The following ADAM22 variants were observed in gnomAD, a reference collection of about 807,000 sequenced individuals.
ADAM22 encodes the protein ADAM metallopeptidase domain 22, also known as disintegrin and metalloproteinase domain-containing protein 22.
A neutral mutation model predicts 144.6 loss-of-function variants in ADAM22; 65 were observed. The observed-to-expected ratio is 0.45, with a 90% CI of 0.37 to 0.55. The LOEUF (loss-of-function observed/expected upper bound fraction) is 0.55. Among genes scored for constraint, ADAM22 ranks in the 20% least tolerant of loss-of-function variants. ADAM22 has a pLI of 0.00. For missense variants in ADAM22, 974 were observed against 1,184.9 expected, an observed-to-expected ratio of 0.82 and a Z score of 2.61; for synonymous variants, 391 against 412.6, an observed-to-expected ratio of 0.95 and a Z score of 0.63.
intron 2 of ADAM22, among the ~76,000 whole-genome samples, chr7:87,962,823 A>T (rs750816273): frequency 2.0e-5 from 3 of 152,156 alleles, no homozygotes; most frequent in Non-Finnish European, 4.4e-5. Context: ...CAGTTAATAA[A>T]TAGTGAAACT....
chr7:87,989,617 T>G (rs1584859341), intron 3 of ADAM22, among the ~76,000 whole-genome samples: 2 of 152,202 alleles, frequency 1.3e-5, no homozygotes, highest in East Asian at 3.8e-4. Flanking sequence ...GATATGTAGT[T>G]TAAAAAGTGA....
At chr7:88,142,979 G>A (rs1164507318) in intron 14 of ADAM22, 47 bp from the exon 15 acceptor site, 1 of 1,192,734 alleles carries the variant, frequency 8.4e-7, no homozygotes, top group Admixed American at 1.9e-5. Flanking sequence ...ATTCACAAAT[G>A]AGAAAGATGA....
At chr7:88,062,921 C>T (rs770814712) in intron 3 of ADAM22, among the ~76,000 whole-genome samples, 11 of 152,136 alleles carry the variant, frequency 7.2e-5, no homozygotes, top group Non-Finnish European at 1.6e-4. Flanking sequence ...ATTTATTAAG[C>T]TCGCTCTCTT....
intron 14 of ADAM22, among the ~76,000 whole-genome samples, chr7:88,141,467 G>A (rs1834610103): frequency 1.3e-5 from 2 of 152,052 alleles, no homozygotes; most frequent in South Asian, 4.1e-4. Context: ...AGAAGAAGTA[G>A]GGATATAAAT....
At chr7:88,195,374 G>A (rs183474473) in intron 31 of ADAM22, among the ~76,000 whole-genome samples, 72 of 152,188 alleles carry the variant, frequency 4.7e-4, no homozygotes, top group Admixed American at 3.1e-3. Context: ...AAATTTGACC[G>A]GAACAGGGCC....
chr7:87,987,079 C>T (rs1629569), intron 3 of ADAM22, among the ~76,000 whole-genome samples: 87,262 of 152,058 alleles, frequency 0.57, 25,704 homozygotes, highest in African/African-American at 0.69. Flanking sequence ...TTGCATAAAT[C>T]CCTAGAAGTT....
intron 30 of ADAM22, 136 bp downstream of exon 30, chr7:88,186,837 G>T: frequency 1.7e-6 from 1 of 603,092 alleles, no homozygotes. Context: ...TTTATTTGCT[G>T]CCTTTTGACT....
chr7:88,078,442 C>G (rs1441132912), intron 4 of ADAM22, among the ~76,000 whole-genome samples: 1 of 152,266 alleles, frequency 6.6e-6, no homozygotes, highest in Admixed American at 6.5e-5. Context: ...CAGAGTGCCT[C>G]TCTTCCTCCA....
intron 2 of ADAM22, among the ~76,000 whole-genome samples, chr7:87,977,653 T>C (rs1852214514): frequency 6.6e-6 from 1 of 152,220 alleles, no homozygotes; most frequent in South Asian, 2.1e-4. Context: ...CAAATATTAG[T>C]GCTATGGGAA....
chr7:88,189,652 C>G (rs1849148425), intron 30 of ADAM22, among the ~76,000 whole-genome samples: 1 of 152,100 alleles, frequency 6.6e-6, no homozygotes, highest in Non-Finnish European at 1.5e-5. Context: ...TTAACAAATT[C>G]TCCTGGATCT....
chr7:88,085,093 A>G (rs1818064706), intron 4 of ADAM22, among the ~76,000 whole-genome samples: 1 of 152,200 alleles, frequency 6.6e-6, no homozygotes, highest in Admixed American at 6.5e-5. Context: ...ATTCTGAGGT[A>G]TTAGGGGTTA....
chr7:87,995,039 C>T (rs1174413010), intron 3 of ADAM22, among the ~76,000 whole-genome samples: 2 of 152,094 alleles, frequency 1.3e-5, no homozygotes, highest in Non-Finnish European at 2.9e-5. Context: ...ACCGTGGTCT[C>T]GATCTCCTGA....
intron 2 of ADAM22, among the ~76,000 whole-genome samples, chr7:87,947,784 A>G (rs1208639191): frequency 6.6e-6 from 1 of 152,216 alleles, no homozygotes; most frequent in Non-Finnish European, 1.5e-5. Context: ...CAGTTATTGT[A>G]GGGTTATGGA....
intron 3 of ADAM22, among the ~76,000 whole-genome samples, chr7:88,006,648 A>C (rs904189773): frequency 3.4e-5 from 5 of 147,076 alleles, no homozygotes; most frequent in Non-Finnish European, 6.0e-5. Context: ...CAAAGACAAA[A>C]ACCACATGAT....
chr7:88,080,551 T>A (rs1488795158), intron 4 of ADAM22, among the ~76,000 whole-genome samples: 1 of 151,644 alleles, frequency 6.6e-6, no homozygotes, highest in Non-Finnish European at 1.5e-5. Context: ...AATCAATGAA[T>A]CCAGGAGCTG....
Position 88,149,155 on chromosome 7 carries a change from C to T in ADAM22, c.1566+98C>T, listed in dbSNP as rs577683332. 3.4e-4 allele frequency: 274 copies of T among 797,374 alleles called. 1 individual carries two copies. The highest frequency in any genetic ancestry group is 5.2e-4 in the Non-Finnish European group (252 of 483,230). The allele number at this position is 797,374 out of a possible 1,614,324, so 49.4% of individuals were successfully genotyped here. On this transcript the variant is annotated intron_variant, in intron 18 of 31. Transcript: ENST00000413139. Reference sequence around the variant, plus strand: ...GAGAAATGTAAATGAACAAGATGCTCGTGTCTCTTTCACATCATTTCTCCA... The same window carrying T: ...GAGAAATGTAAATGAACAAGATGCTTGTGTCTCTTTCACATCATTTCTCCA...
At chr7:88,133,009 A>C in intron 12 of ADAM22, 58 bp downstream of exon 12, 2 of 1,474,852 alleles carry the variant, frequency 1.4e-6, no homozygotes, top group Non-Finnish European at 1.9e-6. Context: ...TGTTTTCCTC[A>C]TACTTAAGAG....
chr7:88,176,157 T>G (rs1845608161), intron 26 of ADAM22, among the ~76,000 whole-genome samples: 1 of 152,110 alleles, frequency 6.6e-6, no homozygotes, highest in African/African-American at 2.4e-5. Context: ...GTATTTTTAG[T>G]AGAGATGGGG....
intron 3 of ADAM22, among the ~76,000 whole-genome samples, chr7:88,044,872 C>T (rs1293694117): frequency 6.6e-6 from 1 of 151,820 alleles, no homozygotes; most frequent in Non-Finnish European, 1.5e-5. Context: ...ATTGAGGCAC[C>T]TGCCACCACA....
Sources: allele counts gnomAD v4.1 joint callset (sites outside exome capture counted in the v4.1 genomes callset), GRCh38; gene constraint gnomAD v4.1.1; transcripts MANE v1.5; gene names NCBI Gene and HGNC (gene_info 2026-07-23, HGNC 2026-07-21).